The following RAB7A variants were observed in gnomAD, a reference collection of about 807,000 sequenced individuals.
RAB7A encodes ras-related protein Rab-7a.
RAB7A carries 2 observed loss-of-function variants against 24.5 expected under a neutral mutation model. The observed-to-expected ratio is 0.08, with a 90% CI of 0.03 to 0.26. The LOEUF (loss-of-function observed/expected upper bound fraction) is 0.26, where lower values mean the gene tolerates loss of function less well. Among genes scored for constraint, RAB7A ranks in the 10% least tolerant of loss-of-function variants. RAB7A has a pLI of 1.00. For synonymous variants in RAB7A, 100 were observed against 95.9 expected, an observed-to-expected ratio of 1.04 and a Z score of -0.25; for missense variants, 118 against 255.7, an observed-to-expected ratio of 0.46 and a Z score of 3.67.
At chr3:128,812,547 A>G (rs1559799059) in intron 5 of RAB7A, among the ~76,000 whole-genome samples, 1 of 152,238 alleles carries the variant, frequency 6.6e-6, no homozygotes, top group South Asian at 2.1e-4. Context: ...AAATTCTAGA[A>G]CAGTCACTGG....
intron 1 of RAB7A, among the ~76,000 whole-genome samples, chr3:128,762,069 A>G (rs1299234881): frequency 6.6e-6 from 1 of 152,216 alleles, no homozygotes; most frequent in Non-Finnish European, 1.5e-5. Flanking sequence ...ATGCCACTGA[A>G]ATATACACTT....
chr3:128,790,550 T>C (rs1272492553), intron 1 of RAB7A, among the ~76,000 whole-genome samples: 1 of 152,256 alleles, frequency 6.6e-6, no homozygotes, highest in Non-Finnish European at 1.5e-5. Flanking sequence ...TTTAAATCTT[T>C]ACTCCTTTGG....
At chr3:128,744,009 G>A (rs1385132834) in intron 1 of RAB7A, among the ~76,000 whole-genome samples, 4 of 151,638 alleles carry the variant, frequency 2.6e-5, no homozygotes, top group African/African-American at 9.7e-5. Flanking sequence ...GGCTGGTATT[G>A]AATTCCTGAC....
chr3:128,783,042 TCTAA>T (rs1413277072), intron 1 of RAB7A, among the ~76,000 whole-genome samples: 1 of 152,054 alleles, frequency 6.6e-6, no homozygotes, highest in Non-Finnish European at 1.5e-5. Context: ...AAAATGTATA[TCTAA>T]ACAAAGACAG....
chr3:128,797,793 T>C (rs896868659), intron 2 of RAB7A, 150 bp from the exon 3 acceptor site: 1 of 820,322 alleles, frequency 1.2e-6, no homozygotes, highest in Non-Finnish European at 2.0e-6. Context: ...AAAAGTGTAA[T>C]GCTCGGAAGG....
intron 1 of RAB7A, among the ~76,000 whole-genome samples, chr3:128,742,980 G>A (rs139471257): frequency 0.012 from 1,898 of 152,316 alleles, 35 homozygotes; most frequent in African/African-American, 0.041. Context: ...AGCAGGGGGC[G>A]GTGCCCGTCG....
intron 1 of RAB7A, among the ~76,000 whole-genome samples, chr3:128,783,484 G>C (rs913020881): frequency 6.6e-6 from 1 of 152,056 alleles, no homozygotes; most frequent in African/African-American, 2.4e-5. Flanking sequence ...TGGGAGGAAT[G>C]GCAAGCCCAT....
At chr3:128,740,897 CAAAAAAAAAAAAAAA>C (rs59043831) in intron 1 of RAB7A, among the ~76,000 whole-genome samples, 1 of 79,568 alleles carries the variant, frequency 1.3e-5, no homozygotes, top group South Asian at 4.1e-4. Context: ...GGAGATGTCT[CAAAAAAAAAAAAAAA>C]AAAAAAAAAA....
chr3:128,789,698 CAA>C (rs1377805922), intron 1 of RAB7A, among the ~76,000 whole-genome samples: 1 of 151,806 alleles, frequency 6.6e-6, no homozygotes, highest in Non-Finnish European at 1.5e-5. Flanking sequence ...AAATTGATAA[CAA>C]AAGCAGAAAT....
intron 1 of RAB7A, among the ~76,000 whole-genome samples, chr3:128,769,263 C>A (rs2070862550): frequency 6.6e-6 from 1 of 152,084 alleles, no homozygotes; most frequent in Non-Finnish European, 1.5e-5. Context: ...ACATTCTTAC[C>A]AGCAGTGTAC....
At chr3:128,806,623 A>T (rs1245141879) in intron 4 of RAB7A, 33 bp downstream of exon 4, 2 of 1,584,370 alleles carry the variant, frequency 1.3e-6, no homozygotes, top group African/African-American at 2.7e-5. Flanking sequence ...ATTGTCACAG[A>T]CACCTGCTCC....
chr3:128,789,399 G>A (rs912876173), intron 1 of RAB7A, among the ~76,000 whole-genome samples: 3 of 149,628 alleles, frequency 2.0e-5, no homozygotes, highest in Non-Finnish European at 3.0e-5. Flanking sequence ...GCAGTGATGC[G>A]ATCTCGGCTC....
chr3:128,773,519 CACCTCT>C (rs1291234288), intron 1 of RAB7A, among the ~76,000 whole-genome samples: 38 of 145,478 alleles, frequency 2.6e-4, no homozygotes, highest in South Asian at 1.9e-3. Flanking sequence ...AGGTGGGGGG[CACCTCT>C]GCCCGGCCGC....
chr3:128,733,712 A>T (rs2070459777), intron 1 of RAB7A, among the ~76,000 whole-genome samples: 1 of 152,038 alleles, frequency 6.6e-6, no homozygotes, highest in Non-Finnish European at 1.5e-5. Context: ...ATTGAGGCCC[A>T]CCCTTATGAC....
intron 1 of RAB7A, among the ~76,000 whole-genome samples, chr3:128,780,456 T>TA (rs1436706304): frequency 6.6e-6 from 1 of 152,148 alleles, no homozygotes; most frequent in Non-Finnish European, 1.5e-5. Flanking sequence ...GTTTAACACT[T>TA]ACAAAGCTAC....
chr3:128,757,580 CAT>C (rs2070740709), intron 1 of RAB7A, among the ~76,000 whole-genome samples: 1 of 149,700 alleles, frequency 6.7e-6, no homozygotes, highest in Non-Finnish European at 1.5e-5. Context: ...AGTATAGTGG[CAT>C]GATCTCAGCT....
chr3:128,731,972 T>A (rs1281946810), intron 1 of RAB7A, among the ~76,000 whole-genome samples: 2 of 145,288 alleles, frequency 1.4e-5, no homozygotes, highest in African/African-American at 5.1e-5. Context: ...GCCATTGCAC[T>A]CCAGCCTGGC....
chr3:128,759,975 G>T (rs138526147), intron 1 of RAB7A, among the ~76,000 whole-genome samples: 85 of 152,266 alleles, frequency 5.6e-4, no homozygotes, highest in African/African-American at 2.0e-3. Flanking sequence ...CTCCCAAAGT[G>T]CTGGGATTAT....
intron 2 of RAB7A, among the ~76,000 whole-genome samples, chr3:128,795,747 T>A (rs1396798787): frequency 1.1e-5 from 1 of 92,102 alleles, no homozygotes; most frequent in East Asian, 3.0e-4. Context: ...GCGTAGCAGA[T>A]GTGCTTTTTT....
Sources: allele counts gnomAD v4.1 joint callset (sites outside exome capture counted in the v4.1 genomes callset), GRCh38; gene constraint gnomAD v4.1.1; transcripts MANE v1.5; gene names NCBI Gene and HGNC (gene_info 2026-07-23, HGNC 2026-07-21).